Variants in PPP3CA observed in about 807,000 individuals in gnomAD.
PPP3CA encodes the protein protein phosphatase 3 catalytic subunit alpha.
Under a neutral mutation model 66.5 loss-of-function variants are expected in PPP3CA, and 14 were observed. That is an observed-to-expected ratio of 0.21 (90% CI 0.14 to 0.33). The LOEUF (loss-of-function observed/expected upper bound fraction) is 0.33. PPP3CA is among the 10% of genes least tolerant of loss of function. The pLI is 1.00. For missense variants in PPP3CA, 317 were observed against 639.5 expected (o/e 0.50, Z 5.44); for synonymous variants, 232 against 226.2 (o/e 1.03, Z -0.23).
At chr4:101,168,152 G>A (rs776994790) in intron 2 of PPP3CA, among the ~76,000 whole-genome samples, 1 of 152,188 alleles carries the variant, frequency 6.6e-6, no homozygotes, top group Non-Finnish European at 1.5e-5. Flanking sequence ...AGGGAATGGA[G>A]AAGTGATCAA....
chr4:101,330,343 A>G (rs374658171), intron 1 of PPP3CA: 69 of 483,954 alleles, frequency 1.4e-4, no homozygotes, highest in South Asian at 3.5e-4. Context: ...AGCAAAGAAG[A>G]TAGTTTCTTT....
intron 1 of PPP3CA, among the ~76,000 whole-genome samples, chr4:101,346,208 G>A (rs1729987615): frequency 1.3e-5 from 2 of 151,538 alleles, no homozygotes; most frequent in Non-Finnish European, 2.9e-5. Context: ...GGGGAGGGGG[G>A]CGCGGAGGGA....
intron 1 of PPP3CA, among the ~76,000 whole-genome samples, chr4:101,301,513 G>A (rs1728376422): frequency 1.5e-5 from 2 of 132,758 alleles, no homozygotes; most frequent in Admixed American, 1.6e-4. Context: ...TTTTTTTGGA[G>A]ACAGAATCTT....
chr4:101,144,236 C>T (rs1722895937), intron 2 of PPP3CA, among the ~76,000 whole-genome samples: 1 of 152,102 alleles, frequency 6.6e-6, no homozygotes, highest in Admixed American at 6.6e-5. Context: ...TAACATATAC[C>T]ACATAGGATC....
intron 2 of PPP3CA, among the ~76,000 whole-genome samples, chr4:101,148,036 A>G (rs371812690): frequency 7.2e-5 from 11 of 152,216 alleles, no homozygotes; most frequent in African/African-American, 2.6e-4. Context: ...CCCTCTCAAA[A>G]TGTTTATTTC....
chr4:101,339,981 C>T (rs923890988), intron 1 of PPP3CA, among the ~76,000 whole-genome samples: 1 of 152,132 alleles, frequency 6.6e-6, no homozygotes. Flanking sequence ...CAGAAAGACT[C>T]TAAGTCTAAG....
rs2110349034 is a variant in PPP3CA at position 101,346,886 on chromosome 4, C to CCGCCGA, written c.-91_-90insTCGGCG. 7.2e-7 allele frequency: 1 copy of CCGCCGA among 1,392,190 alleles called. No individual in the cohort carries two copies. Among genetic ancestry groups the CCGCCGA allele is most frequent in the Non-Finnish European group, 9.9e-7 (1 of 1,011,038 alleles). The allele number at this position is 1,392,190 out of a possible 1,614,324, so 86.2% of individuals were successfully genotyped here. A position where few individuals can be genotyped will look rare whatever the true frequency, so the allele number is the denominator to read the frequency against. The stretch of plus-strand genomic sequence containing the variant: ...GCGGGCCAGACACTCAACGCCGCCG[C>CCGCCGA]CGCCGCCGCCGCCGCCGCGCTGCAA... On this transcript the variant is annotated 5_prime_UTR_variant, in exon 1 of 14. Transcript: ENST00000394854.
At chr4:101,177,083 G>T (rs1054273313) in intron 2 of PPP3CA, among the ~76,000 whole-genome samples, 1 of 152,104 alleles carries the variant, frequency 6.6e-6, no homozygotes, top group Admixed American at 6.6e-5. Context: ...GTTTCATTAC[G>T]TTAACGACAG....
At chr4:101,033,293 A>C (rs11097743) in intron 11 of PPP3CA, among the ~76,000 whole-genome samples, 14,957 of 139,062 alleles carry the variant, frequency 0.11, 827 homozygotes, top group South Asian at 0.2. Flanking sequence ...CACACACACA[A>C]ACACACACAC....
Position 101,229,764 on chromosome 4 carries a change from G to A in PPP3CA, c.59-33648C>T, listed in dbSNP as rs539421282. ...TCCCAGTTTCATCCACAATGGAGAG[G>A]GTGAAAAGGGCAGTAGGAATGGGGA... is the stretch of plus-strand genomic sequence containing the variant. On this transcript the variant is annotated intron_variant, in intron 1 of 13. Coordinates refer to ENST00000394854, the MANE Select transcript of PPP3CA (RefSeq NM_000944.5). Among the ~76,000 whole-genome samples the A allele has an allele frequency of 1.6e-3, 244 of 151,652 alleles. 3 individuals are homozygous for A. The highest frequency in any genetic ancestry group is 2.9e-3 in the Non-Finnish European group (199 of 67,730).
intron 1 of PPP3CA, among the ~76,000 whole-genome samples, chr4:101,242,648 T>C (rs1223935847): frequency 6.6e-6 from 1 of 152,162 alleles, no homozygotes; most frequent in Non-Finnish European, 1.5e-5. Flanking sequence ...TTAAGAAATC[T>C]GGGCCAGGTG....
intron 2 of PPP3CA, among the ~76,000 whole-genome samples, chr4:101,122,565 G>A (rs1722064327): frequency 6.6e-6 from 1 of 152,158 alleles, no homozygotes; most frequent in Admixed American, 6.5e-5. Context: ...CATTATCAAA[G>A]AAGACTTAAC....
intron 2 of PPP3CA, among the ~76,000 whole-genome samples, chr4:101,131,254 AAAT>A (rs1212103493): frequency 6.7e-6 from 1 of 148,536 alleles, no homozygotes; most frequent in Non-Finnish European, 1.5e-5. Flanking sequence ...ATAAATAAAT[AAAT>A]AAATAAATAA....
intron 2 of PPP3CA, among the ~76,000 whole-genome samples, chr4:101,148,986 A>G (rs960120969): frequency 2.0e-5 from 3 of 152,176 alleles, no homozygotes; most frequent in African/African-American, 7.2e-5. Context: ...ATATTAATGA[A>G]TAAAGATAAT....
At chr4:101,195,794 A>T in intron 2 of PPP3CA, 122 bp downstream of exon 2, 1 of 746,166 alleles carries the variant, frequency 1.3e-6, no homozygotes, top group Non-Finnish European at 2.2e-6. Flanking sequence ...GTATAGATTC[A>T]ACAGTAAAAG....
intron 2 of PPP3CA, among the ~76,000 whole-genome samples, chr4:101,140,336 T>A (rs987919074): frequency 2.0e-5 from 3 of 152,148 alleles, no homozygotes; most frequent in African/African-American, 7.2e-5. Flanking sequence ...GACTTAATAA[T>A]ATTATCATTT....
chr4:101,330,550 T>C (rs1729351538), intron 1 of PPP3CA: 1 of 439,888 alleles, frequency 2.3e-6, no homozygotes, highest in African/African-American at 2.1e-5. Flanking sequence ...ATTGCACACT[T>C]AACAGACTAC....
At chr4:101,035,299 C>G (rs1393578690) in intron 11 of PPP3CA, among the ~76,000 whole-genome samples, 2 of 149,442 alleles carry the variant, frequency 1.3e-5, no homozygotes, top group Non-Finnish European at 3.0e-5. Context: ...CAAAACCCCC[C>G]CAAAAACATG....
At chr4:101,250,362 T>C (rs1397799272) in intron 1 of PPP3CA, 1 of 456,334 alleles carries the variant, frequency 2.2e-6, no homozygotes, top group Admixed American at 2.4e-5. Flanking sequence ...CTCATACCCT[T>C]AGTTTCAACA....
Sources: allele counts gnomAD v4.1 joint callset (sites outside exome capture counted in the v4.1 genomes callset), GRCh38; gene constraint gnomAD v4.1.1; transcripts MANE v1.5; gene names NCBI Gene and HGNC (gene_info 2026-07-23, HGNC 2026-07-21).